PCDHGA3: variants seen among roughly 807,000 people sequenced by gnomAD.
PCDHGA3 encodes protocadherin gamma subfamily A, 3.
A neutral mutation model predicts 58.5 loss-of-function variants in PCDHGA3; 40 were observed. The ratio of observed to expected loss-of-function variants is 0.68; its 90% CI spans 0.53 to 0.89. The LOEUF (loss-of-function observed/expected upper bound fraction) is 0.89, where lower values mean the gene tolerates loss of function less well. Ranked by LOEUF, PCDHGA3 falls within the 40% of genes least tolerant of loss-of-function variation. The pLI, the probability that PCDHGA3 is intolerant of heterozygous loss-of-function variation, is 0.00. For missense variants in PCDHGA3, 1,223 were observed against 1,195.9 expected (o/e 1.02, Z -0.33); for synonymous variants, 530 against 525.7 (o/e 1.01, Z -0.11).
Position 141,386,987 on chromosome 5 carries a change from A to G in PCDHGA3, c.2424+40530A>G, listed in dbSNP as rs147872708. 4.1e-3 allele frequency among the ~76,000 whole-genome samples: 628 copies of G among 152,308 alleles called. 4 individuals carry two copies. The highest frequency in any genetic ancestry group is 3.9e-3 in the Non-Finnish European group (262 of 68,032). ...CTCAGTGACTTTGTGTTTTGAGGCTATGTATTATCCCCCTGATAACTTTGA... is the reference window on the plus strand; with the variant it reads ...CTCAGTGACTTTGTGTTTTGAGGCTGTGTATTATCCCCCTGATAACTTTGA... On this transcript the variant is annotated intron_variant, in intron 1 of 3. Transcript: ENST00000253812.
rs147534370 is a variant in PCDHGA3 at position 141,511,170 on chromosome 5, G to A, written c.2796G>A (p.Lys932=). ...AGAAGTCGGGCAAGAAGGAGAAGAA[G>A]TAACATGGAGGCCAGGCCAAGAGCC... ...NKKKSGKKEK[K] The change falls in exon 4 of 4, where the codon AAG becomes AAA. Residue 932 remains lysine (K), a synonymous_variant. Coordinates refer to ENST00000253812, the MANE Select transcript of PCDHGA3 (RefSeq NM_018916.4). 1.9e-6 allele frequency: 3 copies of A among 1,613,988 alleles called. No homozygotes were observed. The highest frequency in any genetic ancestry group is 2.5e-6 in the Non-Finnish European group (3 of 1,179,990).
At chr5:141,355,282 G>T in intron 1 of PCDHGA3, 1 of 1,613,774 alleles carries the variant, frequency 6.2e-7, no homozygotes, top group East Asian at 2.2e-5. Context: ...GGAAATCAGG[G>T]CCGAACAGAT....
intron 2 of PCDHGA3, among the ~76,000 whole-genome samples, chr5:141,500,136 A>G (rs966215589): frequency 6.6e-6 from 1 of 151,606 alleles, no homozygotes; most frequent in African/African-American, 2.4e-5. Flanking sequence ...ATATCTTTCT[A>G]AACTTTTCTT....
chr5:141,422,342 TG>T, intron 1 of PCDHGA3: 1 of 1,551,514 alleles, frequency 6.4e-7, no homozygotes. Context: ...CTTCTAAATG[TG>T]CAAGATCAAG....
chr5:141,382,940 T>A, intron 1 of PCDHGA3: 1 of 1,595,270 alleles, frequency 6.3e-7, no homozygotes, highest in Non-Finnish European at 8.6e-7. Flanking sequence ...AGAGGATTCT[T>A]CCTGCTCTCC....
intron 1 of PCDHGA3, chr5:141,398,760 C>T: frequency 6.2e-7 from 1 of 1,613,898 alleles, no homozygotes; most frequent in Non-Finnish European, 8.5e-7. Flanking sequence ...ATCGTTTAGT[C>T]CTGACTGCCT....
intron 1 of PCDHGA3, chr5:141,357,612 T>C: frequency 6.2e-7 from 1 of 1,613,924 alleles, no homozygotes; most frequent in Non-Finnish European, 8.5e-7. Context: ...AAGGAGACCC[T>C]AATCTTCAGG....
In PCDHGA3 at chr5:141,461,259, T is replaced by C. The variant is rs114101293; in HGVS notation, c.2425-33548T>C. Among the ~76,000 whole-genome samples the C allele has an allele frequency of 4.2e-3, 640 of 152,290 alleles. 5 individuals are homozygous for C. The highest frequency in any genetic ancestry group is 0.015 in the African/African-American group (623 of 41,554). On this transcript the variant is annotated intron_variant, in intron 1 of 3. Coordinates refer to ENST00000253812, the MANE Select transcript of PCDHGA3 (RefSeq NM_018916.4). ...TACTAATTTATATTCCCAGCAGCAA[T>C]GTGTAAGTGTTCTCTTTTCCCCACA...
At chr5:141,461,892 C>T (rs976827774) in intron 1 of PCDHGA3, among the ~76,000 whole-genome samples, 2 of 152,030 alleles carry the variant, frequency 1.3e-5, no homozygotes, top group Non-Finnish European at 2.9e-5. Context: ...GGCACGATCT[C>T]GGCTCACTGC....
At position 141,422,706 on chromosome 5, in the gene PCDHGA3, G is replaced by A. The variant is rs758922274; in HGVS notation, c.2425-72101G>A. On this transcript the variant is annotated intron_variant, in intron 1 of 3. Transcript: ENST00000253812. ...ATGCCCTGGTCACTTACTCTCTGAC[G>A]GATGACACTGTCCAGGGGGTGCCTC... The A allele has an allele frequency of 8.1e-6, 13 of 1,602,906 alleles. No homozygotes were observed. In the South Asian group the frequency reaches 1.5e-4, roughly 18 times the overall value.
intron 1 of PCDHGA3, chr5:141,409,621 A>G: frequency 6.2e-7 from 1 of 1,613,852 alleles, no homozygotes; most frequent in Non-Finnish European, 8.5e-7. Context: ...CCATTGCGCA[A>G]GTGAGCGCCT....
At chr5:141,496,236 C>T (rs1290509264) in intron 2 of PCDHGA3, among the ~76,000 whole-genome samples, 7 of 152,138 alleles carry the variant, frequency 4.6e-5, no homozygotes, top group Middle Eastern at 3.2e-3. Flanking sequence ...GAACCCCCTG[C>T]GGGCTGAAGG....
At chr5:141,350,196 A>C in intron 1 of PCDHGA3, 1 of 1,414,832 alleles carries the variant, frequency 7.1e-7, no homozygotes. Flanking sequence ...ACAGAAGTCC[A>C]GGGTGCTGCC....
In PCDHGA3 at chr5:141,476,839, G is replaced by T; in HGVS notation, c.2425-17968G>T. The T allele has an allele frequency of 1.9e-6, 3 of 1,613,610 alleles. No individual in the cohort carries two copies. Among genetic ancestry groups the T allele is most frequent in the East Asian group, 2.2e-5 (1 of 44,862 alleles). ...AGGTGCTGGACGCGAATGACAATGC[G>T]CCTGTCTTCAACCAGTCCTTGTACC... On this transcript the variant is annotated intron_variant, in intron 1 of 3. Coordinates refer to ENST00000253812, the MANE Select transcript of PCDHGA3 (RefSeq NM_018916.4). This position sits in a 1 kb window ranked among gnomAD's most constrained non-coding sequence, Gnocchi z 7.6.
At chr5:141,381,561 A>G (rs1251342749) in intron 1 of PCDHGA3, among the ~76,000 whole-genome samples, 3 of 152,196 alleles carry the variant, frequency 2.0e-5, no homozygotes, top group Non-Finnish European at 4.4e-5. Flanking sequence ...TGAATTGCAT[A>G]ATGAAAAGAA....
At chr5:141,400,294 T>TTGCC (rs1347415154) in intron 1 of PCDHGA3, 1 of 1,614,070 alleles carries the variant, frequency 6.2e-7, no homozygotes, top group African/African-American at 1.3e-5. Context: ...CTGGAGCTGC[T>TTGCC]TCCAACCTGG....
Position 141,485,152 on chromosome 5 carries a change from A to C in PCDHGA3, c.2425-9655A>C. ...CTTCATCCGCGTCTCAGGAGCAAGT[A>C]GAGAATTAGCGGGCGGCAGCAATGC... On this transcript the variant is annotated intron_variant, in intron 1 of 3. Coordinates refer to ENST00000253812, the MANE Select transcript of PCDHGA3 (RefSeq NM_018916.4). The surrounding 1 kb of genome is among the most constrained non-coding windows in gnomAD (Gnocchi z 5.7). 8.8e-6 allele frequency: 14 copies of C among 1,586,038 alleles called. No individual in the cohort carries two copies. The highest frequency in any genetic ancestry group is 1.0e-5 in the Non-Finnish European group (12 of 1,157,128).
intron 1 of PCDHGA3, chr5:141,371,217 GC>G (rs1377737380): frequency 6.2e-7 from 1 of 1,613,922 alleles, no homozygotes; most frequent in African/African-American, 1.3e-5. Context: ...GGGCATCAAT[GC>G]CGAAATCATC....
chr5:141,435,593 G>T (rs183768133), intron 1 of PCDHGA3, among the ~76,000 whole-genome samples: 1 of 152,112 alleles, frequency 6.6e-6, no homozygotes, highest in East Asian at 1.9e-4. Flanking sequence ...CAGTAATATC[G>T]CCTGCTTTTT....
Sources: gnomAD v4.1 joint callset for allele counts (sites outside exome capture counted in the v4.1 genomes callset) on GRCh38, gnomAD v4.1.1 for gene constraint, Gnocchi (gnomAD v3.1) non-coding constraint, MANE v1.5 for transcripts, NCBI Gene and HGNC (gene_info 2026-07-23, HGNC 2026-07-21) for gene names.